Variants in DGKH observed in about 807,000 individuals in gnomAD.
The protein encoded by DGKH is DAG kinase eta.
In DGKH, 90 loss-of-function variants were observed where a neutral mutation model predicts 159.3. That is an observed-to-expected ratio of 0.57 (90% CI 0.48 to 0.67). The LOEUF is 0.67. Among genes scored for constraint, DGKH ranks in the 30% least tolerant of loss-of-function variants. The probability of loss-of-function intolerance (pLI) is 0.00; values close to 1 mark genes in which losing one functional copy is unlikely to be tolerated. For synonymous variants in DGKH, 536 were observed against 553.8 expected (o/e 0.97, Z 0.45); for missense variants, 1,181 against 1,506.1 (o/e 0.78, Z 3.57).
exon 31 of DGKH, chr13:42,256,362 T>G: frequency 6.3e-7 from 1 of 1,587,190 alleles, no homozygotes; most frequent in Non-Finnish European, 8.7e-7. Flanking sequence ...GAGTCTCAAA[T>G]GTTGGTGACA....
At chr13:42,089,200 A>T (rs1177443933) in intron 1 of DGKH, among the ~76,000 whole-genome samples, 1 of 152,226 alleles carries the variant, frequency 6.6e-6, no homozygotes, top group Non-Finnish European at 1.5e-5. Context: ...AATAACTGAT[A>T]GAACAAGTAG....
chr13:42,229,082 C>G lies in DGKH; in HGVS notation c.3574-17C>G. 1 of 1,570,068 alleles carries G rather than the reference C, an allele frequency of 6.4e-7. No individual in the cohort carries two copies. Among genetic ancestry groups the G allele is most frequent in the Non-Finnish European group, 8.6e-7 (1 of 1,156,964 alleles). ...CATTTTTAATTATTTCTACCTTTTT[C>G]TGTTCTTTTATTTTAGGATCTGGGG... On this transcript the variant is annotated splice_polypyrimidine_tract_variant and intron_variant, in intron 29 of 29. Transcript: ENST00000337343.
At chr13:42,199,132 T>G (rs1204266414) in intron 18 of DGKH, among the ~76,000 whole-genome samples, 2 of 152,190 alleles carry the variant, frequency 1.3e-5, no homozygotes, top group African/African-American at 2.4e-5. Context: ...GAAGAATGGA[T>G]TGGATCTAGT....
rs1368580329 is a variant in DGKH, at chr13:42,234,100, T to TAATA, written c.*4913_*4916dup. On this transcript the variant is annotated 3_prime_UTR_variant, in exon 30 of 30. Transcript: ENST00000337343. ...ATTCCTTAAAATAGTGCCTGAAGAA[T>TAATA]AATATTTCATATTCTTGACCCCCAA... The TAATA allele has an allele frequency of 6.6e-6, 1 of 151,456 alleles. No individual in the cohort carries two copies. Among genetic ancestry groups the TAATA allele is most frequent in the African/African-American group, 2.4e-5 (1 of 41,196 alleles). The allele number at this position is 151,456 out of a possible 1,614,324, so 9.4% of individuals were successfully genotyped here. A position where few individuals can be genotyped will look rare whatever the true frequency, so the allele number is the denominator to read the frequency against.
chr13:42,146,814 G>T (rs1027727251), intron 3 of DGKH, among the ~76,000 whole-genome samples: 20 of 152,252 alleles, frequency 1.3e-4, no homozygotes, highest in African/African-American at 4.3e-4. Flanking sequence ...AGTAAAGGAA[G>T]TCAGTAGCTG....
At chr13:42,134,058 A>T (rs1241209164) in intron 3 of DGKH, among the ~76,000 whole-genome samples, 1 of 152,182 alleles carries the variant, frequency 6.6e-6, no homozygotes, top group Non-Finnish European at 1.5e-5. Context: ...TAAGGGTGAT[A>T]TATTGACAAA....
At chr13:42,101,770 T>TGA (rs200359713) in intron 1 of DGKH, among the ~76,000 whole-genome samples, 121 of 146,372 alleles carry the variant, frequency 8.3e-4, no homozygotes, top group African/African-American at 2.6e-3. Context: ...TATGTGTGTG[T>TGA]GTGAGAGAGA....
chr13:42,147,571 C>A (rs7329683), intron 3 of DGKH, among the ~76,000 whole-genome samples: 1 of 151,922 alleles, frequency 6.6e-6, no homozygotes, highest in Non-Finnish European at 1.5e-5. Flanking sequence ...ACTAAAAGAG[C>A]TTGTGCCAAG....
chr13:42,075,914 C>T (rs572785882), intron 1 of DGKH, among the ~76,000 whole-genome samples: 1 of 152,318 alleles, frequency 6.6e-6, no homozygotes, highest in East Asian at 1.9e-4. Context: ...GGCACCAAAT[C>T]TCCAGAACAG....
chr13:42,044,686 A>C (rs1459215159), upstream of DGKH, among the ~76,000 whole-genome samples: 1 of 152,224 alleles, frequency 6.6e-6, no homozygotes, highest in Admixed American at 6.5e-5. Flanking sequence ...AACCATTTAA[A>C]TAAACGATCA....
chr13:42,045,312 C>T (rs536681821), upstream of DGKH, among the ~76,000 whole-genome samples: 21 of 151,670 alleles, frequency 1.4e-4, no homozygotes, highest in African/African-American at 3.6e-4. Flanking sequence ...GACTTTGTCT[C>T]TAAAAAAAGA....
intron 1 of DGKH, among the ~76,000 whole-genome samples, chr13:42,085,846 A>C (rs1424574319): frequency 1.3e-5 from 2 of 152,208 alleles, no homozygotes; most frequent in African/African-American, 2.4e-5. Flanking sequence ...GTAACACTTA[A>C]GAAATATTTT....
chr13:42,174,130 T>A lies in DGKH; in HGVS notation c.1438T>A (p.Ser480Thr), dbSNP rs940574531. 1 of 1,613,454 alleles carries A rather than the reference T, an allele frequency of 6.2e-7. No homozygotes were observed. The highest frequency in any genetic ancestry group is 1.1e-5 in the South Asian group (1 of 91,036). Residue 480 changes from serine to threonine, a missense_variant, in exon 12 of 30, where the codon TCT becomes ACT. Transcript: ENST00000337343. ...CCTACTTCCAGGACCTCCAGAAGCA[T>A]CTGAAGAATTTTATGTAAGACTTAA... The part of the protein sequence containing the change: ...ASLLPGPPEA[S>T]EEFYMTIYED...
rs533311838 is a variant in DGKH, at chr13:42,140,127, T to C, written c.384+10495T>C. Among the ~76,000 whole-genome samples, 23 of 152,334 alleles carry C rather than the reference T, an allele frequency of 1.5e-4. No individual in the cohort carries two copies. In the East Asian group the frequency reaches 3.9e-3, roughly 26 times the overall value. ...TTCTGAGGCCAAACCCTGGCCACTG[T>C]GTAGAACTTTTTATCCCTGAGTCTG... On this transcript the variant is annotated intron_variant, in intron 3 of 29. Transcript: ENST00000337343.
Position 42,210,654 on chromosome 13 carries a change from G to A in DGKH, c.2903G>A (p.Gly968Asp). Residue 968 changes from glycine to aspartate, a missense_variant, in exon 24 of 30, where the codon GGT (glycine) becomes GAT (aspartate). Coordinates refer to ENST00000337343, the MANE Select transcript of DGKH (RefSeq NM_178009.5). The stretch of plus-strand genomic sequence containing the variant: ...GAAGATAAGCAGAAGTGTGATTCTG[G>A]TAAACCAGTTCTCCGAACCCATTTG... ...SWEDKQKCDSGKPVLRTHLYI... is the reference protein window; with the variant it reads ...SWEDKQKCDSDKPVLRTHLYI... 1 of 1,612,040 alleles carries A rather than the reference G, an allele frequency of 6.2e-7. No individual in the cohort carries two copies. Among genetic ancestry groups the A allele is most frequent in the Non-Finnish European group, 8.5e-7 (1 of 1,179,922 alleles).
At chr13:42,186,198 A>T (rs1277483355) in intron 13 of DGKH, among the ~76,000 whole-genome samples, 1 of 152,208 alleles carries the variant, frequency 6.6e-6, no homozygotes, top group African/African-American at 2.4e-5. Context: ...TTCTCAATTT[A>T]TATCAATGAT....
intron 26 of DGKH, among the ~76,000 whole-genome samples, chr13:42,218,502 C>CTTTTTTTTTTTT (rs56173082): frequency 1.1e-5 from 1 of 88,326 alleles, no homozygotes; most frequent in Non-Finnish European, 2.2e-5. Flanking sequence ...CATGTGGTGA[C>CTTTTTTTTTTTT]TTTTTTTTTT....
intron 10 of DGKH, 58 bp from the exon 11 acceptor site, chr13:42,168,621 T>TG: frequency 6.2e-7 from 1 of 1,613,626 alleles, no homozygotes; most frequent in East Asian, 2.2e-5. Context: ...GGTGCAGAAA[T>TG]GCAGTAGTCC....
chr13:42,211,554 C>T (rs528372851), intron 24 of DGKH, among the ~76,000 whole-genome samples: 2 of 152,092 alleles, frequency 1.3e-5, no homozygotes, highest in East Asian at 1.9e-4. Context: ...AAAAATTTGC[C>T]GTGTGTGGTG....
Sources: gnomAD v4.1 joint callset for allele counts (sites outside exome capture counted in the v4.1 genomes callset) on GRCh38, gnomAD v4.1.1 for gene constraint, MANE v1.5 for transcripts, NCBI Gene and HGNC (gene_info 2026-07-23, HGNC 2026-07-21) for gene names.